Variants in PLEKHA7 observed in about 807,000 individuals in gnomAD.
PLEKHA7 encodes pleckstrin homology domain-containing family A member 7.
A neutral mutation model predicts 170.0 loss-of-function variants in PLEKHA7; 104 were observed. The observed-to-expected ratio is 0.61, with a 90% confidence interval of 0.52 to 0.72. The LOEUF (loss-of-function observed/expected upper bound fraction) is 0.72. Ranked by LOEUF, PLEKHA7 falls within the 30% of genes least tolerant of loss-of-function variation. The pLI, the probability that PLEKHA7 is intolerant of heterozygous loss-of-function variation, is 0.00. For synonymous variants in PLEKHA7, 648 were observed against 660.8 expected, an observed-to-expected ratio of 0.98 and a Z score of 0.30; for missense variants, 1,615 against 1,671.7, an observed-to-expected ratio of 0.97 and a Z score of 0.59.
rs528287612 is a variant in PLEKHA7, at chr11:16,932,557, T to C, written c.222-61375A>G. On this transcript the variant is annotated intron_variant, in intron 3 of 26. Coordinates refer to ENST00000531066, the MANE Select transcript of PLEKHA7 (RefSeq NM_001329630.2). ...GCCTGGGCCTCCCAAAGTGTTGGGATTACAGGCATGAGCTGCCACACCCCA... is the reference window on the plus strand; with the variant it reads ...GCCTGGGCCTCCCAAAGTGTTGGGACTACAGGCATGAGCTGCCACACCCCA... Among the ~76,000 whole-genome samples the C allele has an allele frequency of 1.8e-4, 28 of 152,322 alleles. 1 individual carries two copies. In the South Asian group the frequency reaches 5.6e-3, roughly 30 times the overall value.
intron 3 of PLEKHA7, among the ~76,000 whole-genome samples, chr11:16,960,480 C>A (rs1037328902): frequency 6.6e-6 from 1 of 152,166 alleles, no homozygotes; most frequent in Non-Finnish European, 1.5e-5. Context: ...CCACCTCCAC[C>A]GCCATGGGCA....
At chr11:16,924,330 C>T (rs1011304726) in intron 3 of PLEKHA7, among the ~76,000 whole-genome samples, 1 of 152,210 alleles carries the variant, frequency 6.6e-6, no homozygotes, top group African/African-American at 2.4e-5. Flanking sequence ...TCTTCCTCTG[C>T]CCACAGCCCC....
At chr11:16,785,261 T>A (rs955198385) in intron 24 of PLEKHA7, among the ~76,000 whole-genome samples, 1 of 152,194 alleles carries the variant, frequency 6.6e-6, no homozygotes, top group Non-Finnish European at 1.5e-5. Context: ...CACTCTCCTA[T>A]CACACAGACC....
At chr11:16,940,761 CTT>C (rs1860642394) in intron 3 of PLEKHA7, among the ~76,000 whole-genome samples, 3 of 152,120 alleles carry the variant, frequency 2.0e-5, no homozygotes, top group African/African-American at 7.2e-5. Context: ...AACATAGTGC[CTT>C]TGTTTTTTCA....
chr11:16,818,431 T>TC (rs1457473513), intron 10 of PLEKHA7, among the ~76,000 whole-genome samples: 1 of 152,234 alleles, frequency 6.6e-6, no homozygotes, highest in African/African-American at 2.4e-5. Flanking sequence ...CTGGATGGTC[T>TC]CCCCTTGCTC....
intron 4 of PLEKHA7, 107 bp downstream of exon 4, chr11:16,870,992 C>G (rs1488205032): frequency 3.0e-5 from 24 of 804,326 alleles, no homozygotes; most frequent in Non-Finnish European, 4.0e-5. Flanking sequence ...CCACTCACCC[C>G]AAGCCCCTCT....
chr11:16,871,387 A>G (rs950638159), intron 3 of PLEKHA7, among the ~76,000 whole-genome samples: 3 of 152,192 alleles, frequency 2.0e-5, no homozygotes, highest in African/African-American at 4.8e-5. Flanking sequence ...CAGGTGCCAG[A>G]GCCCACCTAC....
At chr11:16,918,489 G>A (rs772294622) in intron 3 of PLEKHA7, among the ~76,000 whole-genome samples, 6 of 152,206 alleles carry the variant, frequency 3.9e-5, no homozygotes, top group Non-Finnish European at 8.8e-5. Flanking sequence ...GTAACCTTGA[G>A]CTTGTTAATC....
chr11:16,834,582 A>G (rs1050305119), intron 9 of PLEKHA7, among the ~76,000 whole-genome samples: 1 of 152,198 alleles, frequency 6.6e-6, no homozygotes, highest in Admixed American at 6.5e-5. Flanking sequence ...GGAAATTGAG[A>G]AAAAAGATGA....
At chr11:16,786,978 A>G (rs1704806890) in intron 23 of PLEKHA7, 8 of 985,298 alleles carry the variant, frequency 8.1e-6, no homozygotes, top group Middle Eastern at 1.0e-3. Flanking sequence ...TCTATTTGAG[A>G]TAGATGTTTT....
intron 4 of PLEKHA7, among the ~76,000 whole-genome samples, chr11:16,870,826 G>C (rs1046026342): frequency 1.3e-5 from 2 of 151,996 alleles, no homozygotes; most frequent in Non-Finnish European, 2.9e-5. Flanking sequence ...CAGGAGAAAG[G>C]GTTCATTCAG....
chr11:16,993,705 C>T (rs1473729942), intron 3 of PLEKHA7, among the ~76,000 whole-genome samples: 1 of 152,196 alleles, frequency 6.6e-6, no homozygotes, highest in Non-Finnish European at 1.5e-5. Flanking sequence ...ATACCCACAA[C>T]CTCAGTTAAA....
chr11:16,865,311 A>G (rs1854294650), intron 4 of PLEKHA7, among the ~76,000 whole-genome samples: 1 of 152,172 alleles, frequency 6.6e-6, no homozygotes, highest in Admixed American at 6.5e-5. Context: ...TCACAAACCT[A>G]CTGGCTTGGG....
intron 3 of PLEKHA7, among the ~76,000 whole-genome samples, chr11:16,915,272 G>C (rs1858555079): frequency 6.6e-6 from 1 of 152,224 alleles, no homozygotes; most frequent in Non-Finnish European, 1.5e-5. Context: ...AGATTGGTAA[G>C]TAGGTTGACC....
intron 3 of PLEKHA7, among the ~76,000 whole-genome samples, chr11:16,964,960 T>A (rs1325817095): frequency 6.6e-6 from 1 of 151,332 alleles, no homozygotes; most frequent in Non-Finnish European, 1.5e-5. Context: ...TGAGCATACA[T>A]GTGTTGGGGC....
At chr11:16,807,376 G>A (rs112011361) in intron 13 of PLEKHA7, among the ~76,000 whole-genome samples, 1 of 152,190 alleles carries the variant, frequency 6.6e-6, no homozygotes, top group African/African-American at 2.4e-5. Context: ...GAATCTTGGT[G>A]ATGCTACTTC....
intron 3 of PLEKHA7, among the ~76,000 whole-genome samples, chr11:16,901,660 T>A (rs567243066): frequency 6.6e-6 from 1 of 152,224 alleles, no homozygotes; most frequent in Non-Finnish European, 1.5e-5. Flanking sequence ...CTTGAGCTCA[T>A]GAGTTCAAGC....
intron 9 of PLEKHA7, among the ~76,000 whole-genome samples, chr11:16,827,827 G>GT (rs1306408089): frequency 8.2e-4 from 72 of 87,630 alleles, no homozygotes; most frequent in African/African-American, 2.2e-3. Context: ...ATACTCCATG[G>GT]TTAAAAAAAA....
intron 3 of PLEKHA7, among the ~76,000 whole-genome samples, chr11:16,889,881 A>C (rs1469629670): frequency 6.6e-6 from 1 of 152,206 alleles, no homozygotes; most frequent in Non-Finnish European, 1.5e-5. Flanking sequence ...CATGAAGGAA[A>C]AAATTCTAAA....
Sources: gnomAD v4.1 joint callset for allele counts (sites outside exome capture counted in the v4.1 genomes callset) on GRCh38, gnomAD v4.1.1 for gene constraint, MANE v1.5 for transcripts, NCBI Gene and HGNC (gene_info 2026-07-23, HGNC 2026-07-21) for gene names.